CDK15: variants seen among roughly 807,000 people sequenced by gnomAD.
CDK15 encodes the protein cyclin-dependent kinase 15.
A neutral mutation model predicts 60.3 loss-of-function variants in CDK15; 62 were observed. The observed-to-expected ratio is 1.03, with a 90% CI of 0.84 to 1.27. The LOEUF is 1.27. CDK15 is among the 50% of genes most tolerant of loss of function. The pLI, the probability that CDK15 is intolerant of heterozygous loss-of-function variation, is 0.00. For synonymous variants in CDK15, 194 were observed against 195.7 expected (o/e 0.99, Z 0.07); for missense variants, 541 against 527.8 (o/e 1.03, Z -0.25).
chr2:201,810,428 A>G (rs1695704711), intron 3 of CDK15, among the ~76,000 whole-genome samples: 1 of 152,110 alleles, frequency 6.6e-6, no homozygotes, highest in South Asian at 2.1e-4. Flanking sequence ...GGGCTATGAC[A>G]GAGGGACACA....
At chr2:201,860,778 C>T (rs755577715) in intron 10 of CDK15, 35 of 1,352,050 alleles carry the variant, frequency 2.6e-5, no homozygotes, top group African/African-American at 5.9e-5. Context: ...ATACTGACAT[C>T]GGACAGCATC....
chr2:201,806,636 G>A lies in CDK15; in HGVS notation c.-29G>A. 6.4e-7 allele frequency: 1 copy of A among 1,558,200 alleles called. No individual in the cohort carries two copies. The highest frequency in any genetic ancestry group is 8.7e-7 in the Non-Finnish European group (1 of 1,154,100). ...GAGGCAGTGGGGGAAAGGTTCAAGT[G>A]CGGGTTTTCTCCTTGAACCTACAAG... On this transcript the variant is annotated 5_prime_UTR_variant, in exon 1 of 14. Coordinates refer to ENST00000652192, the MANE Select transcript of CDK15 (RefSeq NM_001366386.2).
At chr2:201,861,127 G>A (rs1347762106) in intron 10 of CDK15, 24 of 1,037,562 alleles carry the variant, frequency 2.3e-5, no homozygotes, top group Non-Finnish European at 2.6e-5. Context: ...GGAACTGTAA[G>A]TCCAAGCTCC....
chr2:201,839,355 A>C (rs10199823), intron 8 of CDK15, among the ~76,000 whole-genome samples: 32,001 of 152,086 alleles, frequency 0.21, 3,602 homozygotes, highest in East Asian at 0.38. Context: ...TTAAAAGATA[A>C]AGACTGAGGA....
intron 8 of CDK15, among the ~76,000 whole-genome samples, chr2:201,843,845 C>A (rs1284989390): frequency 6.6e-6 from 1 of 151,950 alleles, no homozygotes; most frequent in Non-Finnish European, 1.5e-5. Flanking sequence ...CTAGTTTTTG[C>A]CAATATATTT....
At chr2:201,829,760 A>C (rs6435111) in intron 6 of CDK15, among the ~76,000 whole-genome samples, 3 of 151,952 alleles carry the variant, frequency 2.0e-5, no homozygotes, top group African/African-American at 7.3e-5. Flanking sequence ...AATAACAATA[A>C]GTTATTATTT....
intron 6 of CDK15, among the ~76,000 whole-genome samples, chr2:201,832,859 A>G (rs533941933): frequency 6.6e-6 from 1 of 152,334 alleles, no homozygotes; most frequent in East Asian, 1.9e-4. Flanking sequence ...CATTTTGCCC[A>G]TGTCCCAGGA....
At chr2:201,885,378 T>G (rs147207121) in intron 12 of CDK15, among the ~76,000 whole-genome samples, 27 of 152,290 alleles carry the variant, frequency 1.8e-4, no homozygotes, top group African/African-American at 6.3e-4. Context: ...GGAGGGAAGA[T>G]TCTCAGCCAT....
At chr2:201,890,719 CA>C (rs1699613876) in intron 12 of CDK15, 65 bp from the exon 13 acceptor site, 3 of 1,298,512 alleles carry the variant, frequency 2.3e-6, no homozygotes, top group Admixed American at 4.2e-5. Flanking sequence ...TTACAACAGA[CA>C]AAAATATACC....
At chr2:201,872,121 G>T (rs13032097) in intron 10 of CDK15, among the ~76,000 whole-genome samples, 157 bp from the exon 11 acceptor site, 17,002 of 152,136 alleles carry the variant, frequency 0.11, 1,079 homozygotes, top group Middle Eastern at 0.19. Context: ...TAAAAATTCA[G>T]CAGGAGATGA....
intron 12 of CDK15, among the ~76,000 whole-genome samples, chr2:201,887,926 G>A (rs1452193073): frequency 1.3e-5 from 2 of 151,948 alleles, no homozygotes; most frequent in African/African-American, 4.8e-5. Context: ...ATAATTGAAT[G>A]CACTAAACAT....
chr2:201,855,965 T>C (rs1038388124), intron 10 of CDK15, among the ~76,000 whole-genome samples: 4 of 151,984 alleles, frequency 2.6e-5, no homozygotes, highest in African/African-American at 4.8e-5. Context: ...TAGCTGGGAC[T>C]ACAGGCACCC....
intron 11 of CDK15, among the ~76,000 whole-genome samples, chr2:201,875,145 G>A (rs563454524): frequency 6.6e-6 from 1 of 152,284 alleles, no homozygotes; most frequent in African/African-American, 2.4e-5. Flanking sequence ...TATTGTTTGT[G>A]TTTCTATTCT....
intron 9 of CDK15, among the ~76,000 whole-genome samples, chr2:201,848,861 T>A (rs572362127): frequency 2.6e-5 from 4 of 152,258 alleles, no homozygotes; most frequent in South Asian, 4.2e-4. Flanking sequence ...ACATTAAATT[T>A]TCTTCTAGAA....
chr2:201,835,181 A>G (rs964094405), intron 7 of CDK15, among the ~76,000 whole-genome samples: 11 of 152,196 alleles, frequency 7.2e-5, no homozygotes, highest in Non-Finnish European at 1.6e-4. Flanking sequence ...CACAGTCCTG[A>G]CCTAAGCAGG....
chr2:201,890,160 A>G (rs1247720339), intron 12 of CDK15, among the ~76,000 whole-genome samples: 1 of 152,008 alleles, frequency 6.6e-6, no homozygotes, highest in Non-Finnish European at 1.5e-5. Context: ...ACTCTCGAAC[A>G]TCACCCTCTA....
intron 11 of CDK15, chr2:201,876,380 C>T (rs769363996): frequency 4.2e-5 from 15 of 359,902 alleles, no homozygotes; most frequent in East Asian, 8.9e-5. Flanking sequence ...GCTCAATGTG[C>T]GATAGCAAGG....
At chr2:201,807,997 G>C in intron 3 of CDK15, 45 bp downstream of exon 3, 2 of 1,507,922 alleles carry the variant, frequency 1.3e-6, no homozygotes, top group Non-Finnish European at 1.8e-6. Flanking sequence ...TGAGAGTCCC[G>C]CCCCCCCAAT....
At chr2:201,874,016 T>C (rs933319848) in intron 11 of CDK15, among the ~76,000 whole-genome samples, 1 of 136,748 alleles carries the variant, frequency 7.3e-6, no homozygotes, top group Non-Finnish European at 1.5e-5. Flanking sequence ...ATCGTGCCAC[T>C]GCATTCCAGC....
Sources: gnomAD v4.1 joint callset for allele counts (sites outside exome capture counted in the v4.1 genomes callset) on GRCh38, gnomAD v4.1.1 for gene constraint, MANE v1.5 for transcripts, NCBI Gene and HGNC (gene_info 2026-07-23, HGNC 2026-07-21) for gene names.